Variants in XPO7 observed in about 807,000 individuals in gnomAD.
The protein encoded by XPO7 is exportin-7.
A neutral mutation model predicts 144.3 loss-of-function variants in XPO7; 21 were observed. The ratio of observed to expected loss-of-function variants is 0.15; its 90% CI spans 0.10 to 0.21. XPO7 has a LOEUF of 0.21. Ranked by LOEUF, XPO7 falls within the 10% of genes least tolerant of loss-of-function variation. XPO7 has a pLI of 1.00. For missense variants in XPO7, 808 were observed against 1,325.8 expected (o/e 0.61, Z 6.06); for synonymous variants, 580 against 499.6 (o/e 1.16, Z -2.15).
intron 5 of XPO7, among the ~76,000 whole-genome samples, chr8:21,973,192 C>G (rs1001514165): frequency 6.6e-6 from 1 of 152,194 alleles, no homozygotes; most frequent in South Asian, 2.1e-4. Flanking sequence ...TATTTAACCA[C>G]TCTTATCTTT....
Position 21,987,868 on chromosome 8 carries a change from C to T in XPO7, c.1787+11C>T, listed in dbSNP as rs775238534. On this transcript the variant is annotated intron_variant, in intron 15 of 27. Transcript: ENST00000252512. Reference sequence around the variant, plus strand: ...CTTCATAGGAAAAATGTAAGTGTTTCAGCTTGCCACCAGCAAGAGTCCTTT... The same window carrying T: ...CTTCATAGGAAAAATGTAAGTGTTTTAGCTTGCCACCAGCAAGAGTCCTTT... 10 of 1,613,118 alleles carry T rather than the reference C, an allele frequency of 6.2e-6. No homozygotes were observed. The highest frequency in any genetic ancestry group is 1.7e-4 in the Middle Eastern group (1 of 6,058).
chr8:21,949,766 G>C (rs756749389), intron 1 of XPO7, among the ~76,000 whole-genome samples: 7 of 152,182 alleles, frequency 4.6e-5, no homozygotes, highest in Admixed American at 1.3e-4. Context: ...GTCTCTTTCT[G>C]TTGCCTAGGC....
intron 19 of XPO7, among the ~76,000 whole-genome samples, chr8:21,993,963 C>T (rs1301575298): frequency 6.6e-6 from 1 of 150,670 alleles, no homozygotes; most frequent in Admixed American, 6.6e-5. Flanking sequence ...GCCCCCCACC[C>T]TCTCTCCCCC....
intron 1 of XPO7, among the ~76,000 whole-genome samples, chr8:21,927,511 A>C (rs1388513884): frequency 6.7e-6 from 1 of 149,690 alleles, no homozygotes; most frequent in Non-Finnish European, 1.5e-5. Flanking sequence ...GATAGCATTG[A>C]TAGGGTGAGA....
chr8:21,970,847 G>T (rs1812033494), intron 4 of XPO7, among the ~76,000 whole-genome samples: 1 of 152,086 alleles, frequency 6.6e-6, no homozygotes, highest in South Asian at 2.1e-4. Context: ...TCTTAATGTT[G>T]TAGCACAATT....
intron 1 of XPO7, among the ~76,000 whole-genome samples, chr8:21,945,073 C>A (rs548857097): frequency 2.0e-5 from 3 of 152,162 alleles, no homozygotes; most frequent in Non-Finnish European, 4.4e-5. Flanking sequence ...CTTTTCTATT[C>A]GACAAAACTG....
chr8:22,002,483 A>G (rs1412160128), intron 25 of XPO7, among the ~76,000 whole-genome samples: 1 of 152,144 alleles, frequency 6.6e-6, no homozygotes, highest in Non-Finnish European at 1.5e-5. Context: ...TATTCTTCTG[A>G]GTGTCACAGT....
At chr8:21,934,261 C>T (rs58141407) in intron 1 of XPO7, among the ~76,000 whole-genome samples, 17,768 of 152,032 alleles carry the variant, frequency 0.12, 1,372 homozygotes, top group East Asian at 0.33. Context: ...ACTTTGGGTG[C>T]GGTGGCTCAT....
At chr8:21,930,994 C>T (rs542030890) in intron 1 of XPO7, among the ~76,000 whole-genome samples, 2 of 152,108 alleles carry the variant, frequency 1.3e-5, no homozygotes, top group East Asian at 3.9e-4. Context: ...AGGCACGCAC[C>T]ACCATGCCCA....
chr8:21,978,160 T>G (rs1812287929), intron 8 of XPO7, among the ~76,000 whole-genome samples: 1 of 152,192 alleles, frequency 6.6e-6, no homozygotes, highest in Admixed American at 6.5e-5. Flanking sequence ...TAATACTGTC[T>G]AGTTGAACTA....
At chr8:21,938,935 T>A (rs1392648736) in intron 1 of XPO7, among the ~76,000 whole-genome samples, 1 of 152,212 alleles carries the variant, frequency 6.6e-6, no homozygotes, top group African/African-American at 2.4e-5. Context: ...TTTTAAATGT[T>A]TAGAATAATT....
chr8:21,957,441 G>T (rs1264552229), intron 1 of XPO7, among the ~76,000 whole-genome samples: 1 of 152,134 alleles, frequency 6.6e-6, no homozygotes, highest in African/African-American at 2.4e-5. Context: ...CTCACTGCTG[G>T]CTAGGGATTT....
intron 26 of XPO7, 135 bp from the exon 27 acceptor site, chr8:22,003,768 C>T: frequency 7.5e-7 from 1 of 1,334,448 alleles, no homozygotes; most frequent in African/African-American, 1.5e-5. Flanking sequence ...GCCTGAATTT[C>T]TTTTTTAAGG....
chr8:21,954,641 T>A (rs993051549), intron 1 of XPO7, among the ~76,000 whole-genome samples: 6 of 151,822 alleles, frequency 4.0e-5, no homozygotes, highest in East Asian at 1.9e-4. Flanking sequence ...CTCAAAAAAA[T>A]AAATAAATAA....
chr8:21,994,350 C>G lies in XPO7; in HGVS notation c.2149-13C>G. On this transcript the variant is annotated splice_polypyrimidine_tract_variant and intron_variant, in intron 19 of 27. Coordinates refer to ENST00000252512, the MANE Select transcript of XPO7 (RefSeq NM_015024.5). ...TTTCTTCTATTTTAACACATTTTTG[C>G]CTTCTACTACAGCGAACTCTAGTTG... 6.2e-7 allele frequency: 1 copy of G among 1,607,556 alleles called. No homozygotes were observed. The highest frequency in any genetic ancestry group is 8.5e-7 in the Non-Finnish European group (1 of 1,175,728).
Position 21,976,386 on chromosome 8 carries a change from GA to G in XPO7, c.631del (p.Ser211ValfsTer47), listed in dbSNP as rs768682219. 6.2e-7 allele frequency: 1 copy of G among 1,613,926 alleles called. No individual in the cohort carries two copies. The highest frequency in any genetic ancestry group is 8.5e-7 in the Non-Finnish European group (1 of 1,179,860). ...AGGAAAGAATCTAAACTTGAATGATGAAAGTCAGCATGGCTTGCTCATGCAA... is the reference window on the plus strand; with the variant it reads ...AGGAAAGAATCTAAACTTGAATGATGAAGTCAGCATGGCTTGCTCATGCAA... ...ASGKNLNLND[E>X]SQHGLLMQLL... On this transcript the variant is annotated frameshift_variant, in exon 7 of 28. Transcript: ENST00000252512. LOFTEE classifies it high-confidence loss of function.
chr8:21,978,448 G>C (rs768906987), intron 8 of XPO7, among the ~76,000 whole-genome samples: 5 of 152,356 alleles, frequency 3.3e-5, no homozygotes, highest in Middle Eastern at 3.4e-3. Flanking sequence ...GTAATGAGTG[G>C]TGTGCATAGT....
intron 1 of XPO7, among the ~76,000 whole-genome samples, chr8:21,962,236 A>C (rs981416546): frequency 3.3e-5 from 5 of 152,236 alleles, no homozygotes; most frequent in Admixed American, 2.6e-4. Flanking sequence ...CTACTGATAC[A>C]TCTATAAACC....
chr8:22,000,970 G>A (rs1229885823), intron 24 of XPO7, among the ~76,000 whole-genome samples: 1 of 152,106 alleles, frequency 6.6e-6, no homozygotes, highest in Non-Finnish European at 1.5e-5. Flanking sequence ...GCCGTATCTA[G>A]TACAGTCCAA....
Sources: gnomAD v4.1 joint callset for allele counts (sites outside exome capture counted in the v4.1 genomes callset) on GRCh38, gnomAD v4.1.1 for gene constraint, MANE v1.5 for transcripts, NCBI Gene and HGNC (gene_info 2026-07-23, HGNC 2026-07-21) for gene names.